The following LRRTM4 variants were observed in gnomAD, a reference collection of about 807,000 sequenced individuals.
The protein encoded by LRRTM4 is leucine-rich repeat transmembrane neuronal protein 4.
Under a neutral mutation model 47.6 loss-of-function variants are expected in LRRTM4, and 25 were observed. The ratio of observed to expected loss-of-function variants is 0.53; its 90% CI spans 0.38 to 0.73. The LOEUF is 0.73. Ranked by LOEUF, LRRTM4 falls within the 30% of genes least tolerant of loss-of-function variation. The probability of loss-of-function intolerance (pLI) is 0.00; values close to 1 mark genes in which losing one functional copy is unlikely to be tolerated. For synonymous variants in LRRTM4, 311 were observed against 269.5 expected, an observed-to-expected ratio of 1.15 and a Z score of -1.51; for missense variants, 638 against 713.4, an observed-to-expected ratio of 0.89 and a Z score of 1.20.
intron 3 of LRRTM4, among the ~76,000 whole-genome samples, chr2:77,499,584 T>C (rs748118029): frequency 6.6e-6 from 1 of 151,918 alleles, no homozygotes; most frequent in Admixed American, 6.6e-5. Flanking sequence ...ATGAACAACA[T>C]GTGAATCATA....
intron 3 of LRRTM4, among the ~76,000 whole-genome samples, chr2:77,390,429 C>T (rs778004509): frequency 6.6e-6 from 1 of 152,004 alleles, no homozygotes; most frequent in Non-Finnish European, 1.5e-5. Context: ...ACCAAAAGTA[C>T]TGAAACACTC....
chr2:77,171,630 T>C lies in LRRTM4; in HGVS notation c.1551+346688A>G, dbSNP rs183354937. On this transcript the variant is annotated intron_variant, in intron 3 of 3. Coordinates refer to ENST00000409884, the MANE Select transcript of LRRTM4 (RefSeq NM_001134745.3). ...GCATATAAATATAAGATATAGGTCA[T>C]ATATTTATATGATCAGAAATATTTT... 3.9e-4 allele frequency among the ~76,000 whole-genome samples: 60 copies of C among 152,008 alleles called. 1 individual carries two copies. Among genetic ancestry groups the C allele is most frequent in the African/African-American group, 1.4e-3 (59 of 41,514 alleles).
At chr2:77,055,409 C>T (rs1193475760) in intron 3 of LRRTM4, among the ~76,000 whole-genome samples, 1 of 152,152 alleles carries the variant, frequency 6.6e-6, no homozygotes. Flanking sequence ...CAAAAGAAGA[C>T]ATTTATGCAG....
intron 3 of LRRTM4, among the ~76,000 whole-genome samples, chr2:77,167,833 G>T (rs1278720294): frequency 1.3e-5 from 2 of 152,064 alleles, no homozygotes; most frequent in African/African-American, 4.8e-5. Context: ...GATAGCGTTA[G>T]GAGATATACC....
chr2:77,017,409 A>G (rs953063598), intron 3 of LRRTM4, among the ~76,000 whole-genome samples: 16 of 152,036 alleles, frequency 1.1e-4, no homozygotes, highest in African/African-American at 3.1e-4. Flanking sequence ...CTCCTTTTCC[A>G]TTTATCTTTT....
At chr2:77,074,346 T>G (rs1680262735) in intron 3 of LRRTM4, among the ~76,000 whole-genome samples, 1 of 152,158 alleles carries the variant, frequency 6.6e-6, no homozygotes, top group African/African-American at 2.4e-5. Flanking sequence ...ATCTTCAAAT[T>G]TGGAGCTTGG....
intron 3 of LRRTM4, among the ~76,000 whole-genome samples, chr2:77,487,987 G>A (rs191015161): frequency 2.5e-4 from 38 of 152,196 alleles, no homozygotes; most frequent in Non-Finnish European, 5.4e-4. Flanking sequence ...CTGGACTTGC[G>A]ACAAGAACTT....
intron 3 of LRRTM4, among the ~76,000 whole-genome samples, chr2:77,451,259 C>T (rs1287920924): frequency 6.6e-6 from 1 of 152,122 alleles, no homozygotes; most frequent in African/African-American, 2.4e-5. Context: ...CACTTTCCTC[C>T]AACAGGGGGT....
At chr2:76,953,152 T>C (rs939905606) in intron 3 of LRRTM4, among the ~76,000 whole-genome samples, 3 of 121,880 alleles carry the variant, frequency 2.5e-5, no homozygotes, top group African/African-American at 1.1e-4. Flanking sequence ...AAAATAAAAT[T>C]TGAAAAAAAA....
intron 3 of LRRTM4, among the ~76,000 whole-genome samples, chr2:77,205,660 T>G (rs1165624268): frequency 2.0e-5 from 3 of 152,220 alleles, no homozygotes; most frequent in Admixed American, 2.0e-4. Flanking sequence ...TAGAGCACAT[T>G]CACAGTCTGT....
chr2:77,299,666 G>T (rs905120240), intron 3 of LRRTM4, among the ~76,000 whole-genome samples: 8 of 152,036 alleles, frequency 5.3e-5, no homozygotes, highest in Non-Finnish European at 1.2e-4. Context: ...TAAAACTGTT[G>T]CATTCTCTAT....
intron 3 of LRRTM4, among the ~76,000 whole-genome samples, chr2:77,315,847 G>A (rs1329956490): frequency 6.6e-6 from 1 of 152,154 alleles, no homozygotes; most frequent in Admixed American, 6.5e-5. Context: ...TTCTATGAGA[G>A]GGTAGAAGCC....
intron 3 of LRRTM4, among the ~76,000 whole-genome samples, chr2:77,428,715 T>G (rs1379266568): frequency 6.6e-6 from 1 of 152,216 alleles, no homozygotes; most frequent in Non-Finnish European, 1.5e-5. Flanking sequence ...GGCCATTCAT[T>G]AACGGAAGAA....
At chr2:76,795,078 A>C (rs1041370727) in intron 3 of LRRTM4, among the ~76,000 whole-genome samples, 4 of 152,198 alleles carry the variant, frequency 2.6e-5, no homozygotes, top group African/African-American at 9.6e-5. Context: ...AAATACCTTT[A>C]ACATAGACGG....
intron 3 of LRRTM4, among the ~76,000 whole-genome samples, chr2:77,174,653 GT>G (rs1013939116): frequency 5.3e-5 from 8 of 150,464 alleles, no homozygotes; most frequent in South Asian, 2.1e-4. Context: ...TTTTTTGTTT[GT>G]TTTTTTTATA....
rs147872460 is a variant in LRRTM4 at position 77,422,453 on chromosome 2, T to G, written c.1551+95865A>C. The stretch of plus-strand genomic sequence containing the variant: ...AATTTGTTAAATCCATACTTTAAGA[T>G]ACTCTACTGGAAAGATGTCACAGTT... On this transcript the variant is annotated intron_variant, in intron 3 of 3. Transcript: ENST00000409884. Among the ~76,000 whole-genome samples, 3 of 152,336 alleles carry G rather than the reference T, an allele frequency of 2.0e-5. No individual in the cohort carries two copies. The East Asian group carries it at 5.8e-4, about 29-fold the overall frequency.
At chr2:76,906,779 T>C (rs1224215759) in intron 3 of LRRTM4, among the ~76,000 whole-genome samples, 1 of 151,260 alleles carries the variant, frequency 6.6e-6, no homozygotes, top group Non-Finnish European at 1.5e-5. Context: ...AAGGGATCAA[T>C]TCAACAAGAA....
intron 3 of LRRTM4, among the ~76,000 whole-genome samples, chr2:76,829,834 G>T (rs79296117): frequency 2.4e-4 from 36 of 151,834 alleles, no homozygotes; most frequent in African/African-American, 7.5e-4. Flanking sequence ...AATTCATCAG[G>T]GTTGTGGAAA....
At chr2:76,973,062 G>A (rs910814709) in intron 3 of LRRTM4, among the ~76,000 whole-genome samples, 1 of 151,920 alleles carries the variant, frequency 6.6e-6, no homozygotes, top group East Asian at 1.9e-4. Context: ...AACAATGAAA[G>A]CATGTTTTGA....
Sources: gnomAD v4.1 joint callset for allele counts (sites outside exome capture counted in the v4.1 genomes callset) on GRCh38, gnomAD v4.1.1 for gene constraint, MANE v1.5 for transcripts, NCBI Gene and HGNC (gene_info 2026-07-23, HGNC 2026-07-21) for gene names.